NEDD4L: variants seen among roughly 807,000 people sequenced by gnomAD.
NEDD4L encodes NEDD4 like E3 ubiquitin protein ligase, also known as E3 ubiquitin-protein ligase NEDD4-like.
A neutral mutation model predicts 148.9 loss-of-function variants in NEDD4L; 54 were observed. The ratio of observed to expected loss-of-function variants is 0.36; its 90% CI spans 0.29 to 0.45. The LOEUF (loss-of-function observed/expected upper bound fraction) is 0.45, where lower values mean the gene tolerates loss of function less well. Ranked by LOEUF, NEDD4L falls within the 20% of genes least tolerant of loss-of-function variation. The pLI is 1.00. For missense variants in NEDD4L, 856 were observed against 1,233.8 expected, an observed-to-expected ratio of 0.69 and a Z score of 4.59; for synonymous variants, 433 against 440.7, an observed-to-expected ratio of 0.98 and a Z score of 0.22.
chr18:58,370,113 C>G (rs2046654575), intron 22 of NEDD4L, among the ~76,000 whole-genome samples: 4 of 152,154 alleles, frequency 2.6e-5, no homozygotes, highest in African/African-American at 9.7e-5. Flanking sequence ...ATTCCTACGC[C>G]TGATTTGCAC....
chr18:58,088,438 G>A (rs1270778273), intron 1 of NEDD4L, among the ~76,000 whole-genome samples: 3 of 152,186 alleles, frequency 2.0e-5, no homozygotes, highest in Admixed American at 6.5e-5. Context: ...GCTTGCCTTA[G>A]AAAGACAAGT....
At chr18:58,211,306 T>TA (rs1306016896) in intron 2 of NEDD4L, among the ~76,000 whole-genome samples, 2 of 152,116 alleles carry the variant, frequency 1.3e-5, no homozygotes, top group Non-Finnish European at 2.9e-5. Context: ...GAGCATCTAG[T>TA]AAAAAATCTA....
intron 2 of NEDD4L, among the ~76,000 whole-genome samples, chr18:58,229,867 G>A (rs1304227915): frequency 2.0e-5 from 3 of 152,124 alleles, no homozygotes; most frequent in African/African-American, 7.2e-5. Context: ...GCGGGCACCT[G>A]TAGTCCCAGC....
chr18:58,139,471 ATAATCC>A (rs1361472539), intron 1 of NEDD4L, among the ~76,000 whole-genome samples: 1 of 152,182 alleles, frequency 6.6e-6, no homozygotes, highest in Admixed American at 6.5e-5. Flanking sequence ...AGGAATGTTG[ATAATCC>A]TATCAACATT....
At chr18:58,168,082 T>G (rs1433907571) in intron 2 of NEDD4L, among the ~76,000 whole-genome samples, 1 of 152,218 alleles carries the variant, frequency 6.6e-6, no homozygotes, top group African/African-American at 2.4e-5. Context: ...AGGGACATGG[T>G]GGAAAGGAAT....
intron 1 of NEDD4L, among the ~76,000 whole-genome samples, chr18:58,115,245 CTTT>C (rs60541981): frequency 3.2e-3 from 417 of 129,526 alleles, no homozygotes; most frequent in African/African-American, 0.011. Context: ...TTCTTTCTTT[CTTT>C]TTTTTTTTTT....
At chr18:58,052,881 G>T (rs578229900) in intron 1 of NEDD4L, among the ~76,000 whole-genome samples, 1 of 152,088 alleles carries the variant, frequency 6.6e-6, no homozygotes, top group Non-Finnish European at 1.5e-5. Context: ...CAGGAGAATC[G>T]CTTGAACCTG....
In NEDD4L at chr18:58,196,710, CTTTTTTTTTTT is replaced by C. The variant is rs544883000; in HGVS notation, c.122+30866_122+30876del. Reference sequence around the variant, plus strand: ...CTCTACTTTTCTGTTCTCTCTCTCTCTTTTTTTTTTTTTTTTTTTTTTTTTTTAACATCAGC... The same window carrying C: ...CTCTACTTTTCTGTTCTCTCTCTCTCTTTTTTTTTTTTTTTTAACATCAGC... On this transcript the variant is annotated intron_variant, in intron 2 of 30. Coordinates refer to ENST00000400345, the MANE Select transcript of NEDD4L (RefSeq NM_001144967.3). Among the ~76,000 whole-genome samples the C allele has an allele frequency of 3.3e-4, 38 of 114,444 alleles. 1 individual carries two copies. The highest frequency in any genetic ancestry group is 1.6e-3 in the Admixed American group (16 of 9,876). 75.1% of individuals were successfully genotyped at this position (114,444 alleles called of 152,430 possible).
At chr18:58,140,051 G>C (rs2033322702) in intron 1 of NEDD4L, among the ~76,000 whole-genome samples, 1 of 152,172 alleles carries the variant, frequency 6.6e-6, no homozygotes, top group African/African-American at 2.4e-5. Context: ...CCCAAATTTA[G>C]GGGGCTTCCC....
intron 5 of NEDD4L, among the ~76,000 whole-genome samples, chr18:58,304,753 T>G (rs538778899): frequency 6.6e-6 from 1 of 152,206 alleles, no homozygotes; most frequent in African/African-American, 2.4e-5. Context: ...TCCCCATCAC[T>G]GATGATGTTC....
intron 19 of NEDD4L, among the ~76,000 whole-genome samples, chr18:58,359,171 G>A (rs2145879400): frequency 6.6e-6 from 1 of 152,138 alleles, no homozygotes; most frequent in Admixed American, 6.5e-5. Context: ...CCCTGTCGAT[G>A]TTGTCTGAGG....
At chr18:58,175,287 G>A (rs1210829620) in intron 2 of NEDD4L, among the ~76,000 whole-genome samples, 2 of 152,274 alleles carry the variant, frequency 1.3e-5, no homozygotes, top group East Asian at 1.9e-4. Context: ...GTGGGACTGC[G>A]CCTTTCTGGC....
At chr18:58,068,422 A>G (rs1345086941) in intron 1 of NEDD4L, among the ~76,000 whole-genome samples, 2 of 152,002 alleles carry the variant, frequency 1.3e-5, no homozygotes, top group Non-Finnish European at 2.9e-5. Context: ...GATGGTCTTG[A>G]TCTCCTGACC....
In NEDD4L at chr18:58,292,153, A is replaced by C. The variant is rs186502105; in HGVS notation, c.298-23829A>C. On this transcript the variant is annotated intron_variant, in intron 5 of 30. Transcript: ENST00000400345. ...TCTGAGGCGTGCACTGGCTGGTAGC[A>C]GTGGGTATCAACCATGGAAGTTCAC... is the stretch of plus-strand genomic sequence containing the variant. Among the ~76,000 whole-genome samples, 6 of 148,972 alleles carry C rather than the reference A, an allele frequency of 4.0e-5. No homozygotes were observed. In the East Asian group the frequency reaches 1.2e-3, roughly 29 times the overall value.
chr18:58,349,119 CG>C (rs533154901), intron 16 of NEDD4L, among the ~76,000 whole-genome samples: 53 of 152,178 alleles, frequency 3.5e-4, no homozygotes, highest in African/African-American at 1.2e-3. Flanking sequence ...TATTCCCTAA[CG>C]TGTTAGGCTG....
intron 16 of NEDD4L, among the ~76,000 whole-genome samples, chr18:58,343,761 A>G (rs1000682883): frequency 6.6e-6 from 1 of 152,238 alleles, no homozygotes; most frequent in African/African-American, 2.4e-5. Flanking sequence ...AATGAGATTA[A>G]TCAAAGGCAA....
intron 2 of NEDD4L, among the ~76,000 whole-genome samples, chr18:58,213,686 G>T (rs937951910): frequency 6.6e-6 from 1 of 152,110 alleles, no homozygotes; most frequent in African/African-American, 2.4e-5. Context: ...GAAGGAAGCT[G>T]CAATGCTGTG....
intron 28 of NEDD4L, 35 bp from the exon 29 acceptor site, chr18:58,390,611 T>G (rs764540397): frequency 7.3e-6 from 10 of 1,364,642 alleles, no homozygotes; most frequent in South Asian, 2.5e-5. Context: ...ATGGGTCACG[T>G]GGGGGGTATA....
intron 1 of NEDD4L, among the ~76,000 whole-genome samples, chr18:58,147,808 A>T (rs764703661): frequency 2.6e-5 from 4 of 152,024 alleles, no homozygotes; most frequent in Non-Finnish European, 5.9e-5. Flanking sequence ...TGCCCTTTTC[A>T]TGCCTGTGAC....
Sources: gnomAD v4.1 joint callset for allele counts (sites outside exome capture counted in the v4.1 genomes callset) on GRCh38, gnomAD v4.1.1 for gene constraint, MANE v1.5 for transcripts, NCBI Gene and HGNC (gene_info 2026-07-23, HGNC 2026-07-21) for gene names.